Variants in ABCC1 observed in about 807,000 individuals in gnomAD.
ABCC1 encodes ATP binding cassette subfamily C member 1 (ABCC1 blood group), also known as multidrug resistance-associated protein 1.
Under a neutral mutation model 172.9 loss-of-function variants are expected in ABCC1, and 83 were observed. The observed-to-expected ratio is 0.48, with a 90% CI of 0.40 to 0.58. ABCC1 has a LOEUF of 0.58. Ranked by LOEUF, ABCC1 falls within the 20% of genes least tolerant of loss-of-function variation. ABCC1 has a pLI of 0.00. For synonymous variants in ABCC1, 937 were observed against 825.2 expected, an observed-to-expected ratio of 1.14 and a Z score of -2.32; for missense variants, 1,817 against 2,002.7, an observed-to-expected ratio of 0.91 and a Z score of 1.77.
rs3851720 is a variant in ABCC1 at position 16,132,811 on chromosome 16, T to C, written c.3966+876T>C. 5.4e-3 allele frequency among the ~76,000 whole-genome samples: 819 copies of C among 152,248 alleles called. 4 individuals are homozygous for C. Among genetic ancestry groups the C allele is most frequent in the Admixed American group, 9.5e-3 (145 of 15,282 alleles). On this transcript the variant is annotated intron_variant, in intron 27 of 30. Coordinates refer to ENST00000399410, the MANE Select transcript of ABCC1 (RefSeq NM_004996.4). ...TGCTGGGATTACAGGTGTGAGCCAC[T>C]GCACCTGGCCTGGAAGAAATTTGAA...
chr16:16,077,359 T>G (rs2050615543), intron 15 of ABCC1, among the ~76,000 whole-genome samples: 1 of 152,158 alleles, frequency 6.6e-6, no homozygotes, highest in African/African-American at 2.4e-5. Context: ...ATGTCTAACT[T>G]AAATCCTGCC....
chr16:16,018,010 A>G (rs1440317961), intron 5 of ABCC1, among the ~76,000 whole-genome samples: 1 of 152,148 alleles, frequency 6.6e-6, no homozygotes, highest in Non-Finnish European at 1.5e-5. Context: ...TGTGAGCCAG[A>G]TGAGCTGTTT....
In ABCC1 at chr16:16,111,360, T is replaced by C; in HGVS notation, c.2872-15T>C. ...CGTGCATGTGCTAAGCTGCCTTATC[T>C]CCTGTGATCTCCAGGTCAAGCTTTC... On this transcript the variant is annotated splice_polypyrimidine_tract_variant and intron_variant, in intron 21 of 30. Coordinates refer to ENST00000399410, the MANE Select transcript of ABCC1 (RefSeq NM_004996.4). The C allele has an allele frequency of 1.2e-6, 2 of 1,613,032 alleles. No individual in the cohort carries two copies. Among genetic ancestry groups the C allele is most frequent in the Non-Finnish European group, 1.7e-6 (2 of 1,179,064 alleles).
In ABCC1 at chr16:15,997,775, C is replaced by T. The variant is rs144583791; in HGVS notation, c.49-10041C>T. Among the ~76,000 whole-genome samples, 377 of 150,016 alleles carry T rather than the reference C, an allele frequency of 2.5e-3. 3 individuals are homozygous for T. The highest frequency in any genetic ancestry group is 8.3e-3 in the African/African-American group (338 of 40,744). On this transcript the variant is annotated intron_variant, in intron 1 of 30. Transcript: ENST00000399410. ...AAGAAGGACACATTAGGGTCCCTGC[C>T]GGTAAGGAACATCCAGGAGGCCTCG...
intron 5 of ABCC1, among the ~76,000 whole-genome samples, chr16:16,020,303 C>G (rs574797986): frequency 2.0e-5 from 3 of 152,134 alleles, no homozygotes; most frequent in Admixed American, 2.0e-4. Flanking sequence ...CATTTGTGCA[C>G]CTGTCCAGGA....
intron 6 of ABCC1, 53 bp from the exon 7 acceptor site, chr16:16,036,419 C>A: frequency 1.3e-6 from 2 of 1,565,650 alleles, no homozygotes; most frequent in Non-Finnish European, 8.7e-7. Context: ...CCGTCCTCCC[C>A]CTCCTCCTGT....
intron 12 of ABCC1, among the ~76,000 whole-genome samples, chr16:16,064,078 G>A (rs2050022261): frequency 6.6e-6 from 1 of 152,200 alleles, no homozygotes; most frequent in Non-Finnish European, 1.5e-5. Flanking sequence ...CAGAGTAATA[G>A]ATGCCAGGTA....
chr16:16,052,686 G>T lies in ABCC1; in HGVS notation c.1381-38G>T, dbSNP rs761649104. The T allele has an allele frequency of 1.9e-6, 3 of 1,603,316 alleles. No homozygotes were observed. In the South Asian group the frequency reaches 3.3e-5, roughly 18 times the overall value. ...GCTGTTACGGGCCCTGTTTTCTTCT[G>T]TCTGGTGAGTGATGAAGAGTCTCCT... is the stretch of plus-strand genomic sequence containing the variant. On this transcript the variant is annotated intron_variant, in intron 10 of 30. Transcript: ENST00000399410.
At chr16:16,001,946 G>T (rs577329840) in intron 1 of ABCC1, among the ~76,000 whole-genome samples, 5 of 152,162 alleles carry the variant, frequency 3.3e-5, no homozygotes, top group East Asian at 1.9e-4. Flanking sequence ...TCAAACTCCT[G>T]GGCTCATGGG....
At chr16:15,969,612 T>TC (rs36108316) in intron 1 of ABCC1, among the ~76,000 whole-genome samples, 1 of 151,966 alleles carries the variant, frequency 6.6e-6, no homozygotes, top group East Asian at 1.9e-4. Context: ...CCTCAGGTGA[T>TC]CCCCCCTGCC....
chr16:15,952,744 A>G (rs1039824447), intron 1 of ABCC1, among the ~76,000 whole-genome samples: 1,790 of 108,042 alleles, frequency 0.017, 70 homozygotes, highest in African/African-American at 0.059. Context: ...AAAAAAAAAA[A>G]GCAGGCCGGG....
intron 1 of ABCC1, among the ~76,000 whole-genome samples, chr16:15,952,592 G>C (rs1306851589): frequency 6.6e-6 from 1 of 151,922 alleles, no homozygotes; most frequent in Non-Finnish European, 1.5e-5. Context: ...AGGGCCTGAG[G>C]ACAGGTCACA....
intron 19 of ABCC1, chr16:16,098,972 T>C: frequency 7.8e-7 from 1 of 1,285,968 alleles, no homozygotes; most frequent in Non-Finnish European, 1.0e-6. Flanking sequence ...AGACTGTCGC[T>C]GCATGTCTGG....
At chr16:16,053,453 T>C (rs2049513926) in intron 11 of ABCC1, among the ~76,000 whole-genome samples, 1 of 151,954 alleles carries the variant, frequency 6.6e-6, no homozygotes, top group Non-Finnish European at 1.5e-5. Context: ...TTTTGTATTT[T>C]AAAAAGTTTG....
At chr16:15,999,620 G>GA (rs112970544) in intron 1 of ABCC1, among the ~76,000 whole-genome samples, 11 of 141,482 alleles carry the variant, frequency 7.8e-5, no homozygotes, top group South Asian at 2.3e-4. Context: ...CGTCTCAAAA[G>GA]AAAAAAAAAA....
intron 17 of ABCC1, among the ~76,000 whole-genome samples, chr16:16,085,922 G>C (rs2050988855): frequency 6.6e-6 from 1 of 152,190 alleles, no homozygotes; most frequent in South Asian, 2.1e-4. Context: ...GTCATGGTGG[G>C]AGCTGGCGCT....
chr16:16,053,317 C>T (rs45537136), intron 11 of ABCC1, among the ~76,000 whole-genome samples: 21,046 of 151,964 alleles, frequency 0.14, 1,542 homozygotes, highest in Admixed American at 0.16. Flanking sequence ...TGGGGCCTTG[C>T]TGTGTTGCCC....
chr16:15,955,172 A>G (rs1221785351), intron 1 of ABCC1, among the ~76,000 whole-genome samples: 1 of 152,240 alleles, frequency 6.6e-6, no homozygotes, highest in East Asian at 1.9e-4. Context: ...TCTGGGCAGA[A>G]TGGTGAAAAC....
chr16:15,992,558 G>T (rs2046904641), intron 1 of ABCC1, among the ~76,000 whole-genome samples: 1 of 152,066 alleles, frequency 6.6e-6, no homozygotes, highest in South Asian at 2.1e-4. Flanking sequence ...ATGGCACCGT[G>T]CCTGGCTAAT....
Sources: allele counts gnomAD v4.1 joint callset (sites outside exome capture counted in the v4.1 genomes callset), GRCh38; gene constraint gnomAD v4.1.1; transcripts MANE v1.5; gene names NCBI Gene and HGNC (gene_info 2026-07-23, HGNC 2026-07-21).